GFRAL: variants seen among roughly 807,000 people sequenced by gnomAD.
GFRAL encodes the protein GDNF family receptor alpha-like.
GFRAL carries 36 observed loss-of-function variants against 45.4 expected under a neutral mutation model. The observed-to-expected ratio is 0.79, with a 90% CI of 0.61 to 1.05. The LOEUF is 1.05. GFRAL is among the 50% of genes least tolerant of loss of function. GFRAL has a pLI of 0.00. For synonymous variants in GFRAL, 166 were observed against 154.1 expected (o/e 1.08, Z -0.57); for missense variants, 507 against 467.5 (o/e 1.08, Z -0.78).
intron 6 of GFRAL, among the ~76,000 whole-genome samples, chr6:55,367,934 C>T (rs2127359797): frequency 6.7e-6 from 1 of 148,402 alleles, no homozygotes; most frequent in East Asian, 2.0e-4. Flanking sequence ...AGTTGCTCTT[C>T]TCGAGGAGTA....
chr6:55,333,267 A>C (rs150826414), intron 2 of GFRAL, among the ~76,000 whole-genome samples: 2 of 152,284 alleles, frequency 1.3e-5, no homozygotes, highest in African/African-American at 4.8e-5. Context: ...ATATTTTTAA[A>C]TTAATGTAGA....
chr6:55,381,880 A>G (rs769346339), intron 6 of GFRAL, among the ~76,000 whole-genome samples: 2 of 151,918 alleles, frequency 1.3e-5, no homozygotes, highest in South Asian at 4.1e-4. Context: ...ATACACGTAT[A>G]CATAAATGCA....
At chr6:55,369,089 G>A (rs1243098535) in intron 6 of GFRAL, among the ~76,000 whole-genome samples, 2 of 151,228 alleles carry the variant, frequency 1.3e-5, no homozygotes, top group East Asian at 3.9e-4. Context: ...CTAGCAATCA[G>A]CGAGACTCCG....
chr6:55,397,519 C>A (rs1245647831), intron 6 of GFRAL, among the ~76,000 whole-genome samples: 1 of 63,240 alleles, frequency 1.6e-5, no homozygotes, highest in African/African-American at 6.7e-5. Flanking sequence ...AGCGAGACTC[C>A]GTCTCAAAAA....
intron 6 of GFRAL, among the ~76,000 whole-genome samples, chr6:55,363,948 T>C (rs1046199750): frequency 1.3e-5 from 2 of 149,304 alleles, no homozygotes; most frequent in African/African-American, 5.0e-5. Flanking sequence ...TTTGGGTATA[T>C]ACCCAGTAAT....
At chr6:55,330,119 T>G (rs1314716252) in intron 1 of GFRAL, among the ~76,000 whole-genome samples, 1 of 152,190 alleles carries the variant, frequency 6.6e-6, no homozygotes, top group African/African-American at 2.4e-5. Flanking sequence ...AAATTAACAT[T>G]GCTATTTTCT....
chr6:55,401,933 T>TCTTCTCCTCTCCTCC lies in GFRAL; in HGVS notation c.*81_*82insTTCTCCTCTCCTCCC. ...TCCTCTTTTCTTCTCTCCTCTCCTC[T>TCTTCTCCTCTCCTCC]CCTCTCTTCTCCTCTCCTCCCCTCC... On this transcript the variant is annotated 3_prime_UTR_variant, in exon 9 of 9. Transcript: ENST00000340465. 1.4e-6 allele frequency: 1 copy of TCTTCTCCTCTCCTCC among 735,888 alleles called. No homozygotes were observed. The allele number at this position is 735,888 out of a possible 1,614,324, so 45.6% of individuals were successfully genotyped here.
chr6:55,359,785 C>G (rs1768249224), intron 6 of GFRAL, among the ~76,000 whole-genome samples: 1 of 151,996 alleles, frequency 6.6e-6, no homozygotes. Context: ...GTATCTGCTA[C>G]TGTCACATTT....
At chr6:55,369,395 C>G (rs1434744390) in intron 6 of GFRAL, among the ~76,000 whole-genome samples, 2 of 152,220 alleles carry the variant, frequency 1.3e-5, no homozygotes, top group South Asian at 4.1e-4. Flanking sequence ...GCAGAAATCA[C>G]CCATCTTCTG....
intron 6 of GFRAL, among the ~76,000 whole-genome samples, chr6:55,365,261 A>G (rs1327439732): frequency 2.1e-5 from 3 of 142,444 alleles, no homozygotes; most frequent in African/African-American, 8.2e-5. Context: ...GGTGTATAAG[A>G]ATGCTTGTGA....
chr6:55,352,552 G>A (rs1159550567), intron 5 of GFRAL, among the ~76,000 whole-genome samples: 1 of 152,028 alleles, frequency 6.6e-6, no homozygotes, highest in Admixed American at 6.6e-5. Flanking sequence ...TGGCCACAGA[G>A]TCCTCTTGAG....
intron 6 of GFRAL, among the ~76,000 whole-genome samples, chr6:55,374,432 G>C (rs1038391262): frequency 1.3e-5 from 2 of 152,056 alleles, no homozygotes; most frequent in Non-Finnish European, 2.9e-5. Flanking sequence ...GTCTTCTTTT[G>C]AGAAGTGTCA....
At chr6:55,355,946 A>C (rs1005102457) in intron 5 of GFRAL, among the ~76,000 whole-genome samples, 1 of 151,984 alleles carries the variant, frequency 6.6e-6, no homozygotes, top group Non-Finnish European at 1.5e-5. Context: ...AACGTAGAGA[A>C]CTTTAGCAAA....
At chr6:55,360,306 T>C (rs1057205891) in intron 6 of GFRAL, among the ~76,000 whole-genome samples, 9 of 152,038 alleles carry the variant, frequency 5.9e-5, no homozygotes, top group Non-Finnish European at 1.2e-4. Context: ...GTACTGTTTC[T>C]AGAAGGAAGT....
chr6:55,337,389 T>C (rs1767905353), intron 3 of GFRAL, among the ~76,000 whole-genome samples: 1 of 152,172 alleles, frequency 6.6e-6, no homozygotes, highest in African/African-American at 2.4e-5. Flanking sequence ...TATAATGTCT[T>C]TGGTTTGGTA....
Position 55,330,137 on chromosome 6 carries a change from T to C in GFRAL, c.23-1578T>C, listed in dbSNP as rs370982931. 2.8e-4 allele frequency among the ~76,000 whole-genome samples: 42 copies of C among 152,286 alleles called. 1 individual carries two copies. The South Asian group carries it at 4.4e-3, about 16-fold the overall frequency. ...TTAACATTGCTATTTTCTTGATTGT[T>C]TTTAGAAAACTTGCTGGATTTCTCC... On this transcript the variant is annotated intron_variant, in intron 1 of 8. Coordinates refer to ENST00000340465, the MANE Select transcript of GFRAL (RefSeq NM_207410.2).
chr6:55,391,056 T>C (rs1254426760), intron 6 of GFRAL, among the ~76,000 whole-genome samples: 1 of 152,036 alleles, frequency 6.6e-6, no homozygotes, highest in Non-Finnish European at 1.5e-5. Context: ...AGGGGAAACA[T>C]GAGGCTCAGA....
chr6:55,336,675 T>C (rs1357143437), intron 3 of GFRAL, among the ~76,000 whole-genome samples: 1 of 152,210 alleles, frequency 6.6e-6, no homozygotes, highest in African/African-American at 2.4e-5. Context: ...TCATCTATAA[T>C]AGAGTTTCAT....
chr6:55,343,164 G>A lies in GFRAL; in HGVS notation c.317-6928G>A, dbSNP rs1268994378. On this transcript the variant is annotated intron_variant, in intron 3 of 8. Transcript: ENST00000340465. ...ATATCCAGGAATTGAACTCAGCTCT[G>A]CACCAAGCAGACCTAATAGACATCT... 3.3e-5 allele frequency among the ~76,000 whole-genome samples: 5 copies of A among 152,126 alleles called. No homozygotes were observed. The South Asian group carries it at 6.2e-4, about 19-fold the overall frequency.
Sources: gnomAD v4.1 joint callset for allele counts (sites outside exome capture counted in the v4.1 genomes callset) on GRCh38, gnomAD v4.1.1 for gene constraint, MANE v1.5 for transcripts, NCBI Gene and HGNC (gene_info 2026-07-23, HGNC 2026-07-21) for gene names.